POLR2D: variants seen among roughly 807,000 people sequenced by gnomAD.
POLR2D encodes the protein DNA-directed RNA polymerase II subunit RPB4.
In POLR2D, 10 loss-of-function variants were observed where a neutral mutation model predicts 17.6. That is an observed-to-expected ratio of 0.57 (90% CI 0.35 to 0.96). The LOEUF (loss-of-function observed/expected upper bound fraction) is 0.96, where lower values mean the gene tolerates loss of function less well. Ranked by LOEUF, POLR2D falls within the 40% of genes least tolerant of loss-of-function variation. The pLI is 0.02. For missense variants in POLR2D, 126 were observed against 176.4 expected (o/e 0.71, Z 1.62); for synonymous variants, 52 against 60.2 (o/e 0.86, Z 0.63).
rs201728514 is a variant in POLR2D at position 127,856,597 on chromosome 2, T to TA, written c.73+1430dup. 1.2e-3 allele frequency among the ~76,000 whole-genome samples: 172 copies of TA among 145,746 alleles called. 1 individual carries two copies. Among genetic ancestry groups the TA allele is most frequent in the African/African-American group, 1.6e-3 (65 of 39,552 alleles). ...GTGAAACCCTATCTCAAAATAAAATTAAAAAAAAAATTAAAAAAAATAAAT... is the reference window on the plus strand; with the variant it reads ...GTGAAACCCTATCTCAAAATAAAATTAAAAAAAAAAATTAAAAAAAATAAAT... On this transcript the variant is annotated intron_variant, in intron 1 of 3. Coordinates refer to ENST00000272645, the MANE Select transcript of POLR2D (RefSeq NM_004805.4).
At position 127,853,079 on chromosome 2, in the gene POLR2D, T is replaced by G. The variant is rs774134170; in HGVS notation, c.100A>C (p.Asn34His). ...KEFETAETLL[N>H]SEVHMLLEHR... is the part of the protein sequence containing the mutation. The stretch of plus-strand genomic sequence containing the variant: ...TCCAGAAGCATATGAACTTCTGAAT[T>G]TAGAAGTGTCTCAGCTGTTTCAAAC... The change falls in exon 2 of 4, where the codon AAT (asparagine) becomes CAT (histidine). Residue 34 changes from asparagine (N) to histidine (H), a missense_variant. Around this residue, in one of 2 missense-constraint regions of POLR2D, gnomAD observed 85 missense variants for 151.4 expected, o/e 0.56. Transcript: ENST00000272645. 1 of 1,613,682 alleles carries G rather than the reference T, an allele frequency of 6.2e-7. No homozygotes were observed. Among genetic ancestry groups the G allele is most frequent in the Non-Finnish European group, 8.5e-7 (1 of 1,179,756 alleles).
chr2:127,848,479 C>T (rs1690190241), intron 3 of POLR2D, among the ~76,000 whole-genome samples: 3 of 151,312 alleles, frequency 2.0e-5, no homozygotes, highest in South Asian at 2.1e-4. Flanking sequence ...GGCATGATCT[C>T]GGCTCACCAA....
rs779005799 is a variant in POLR2D at position 127,848,062 on chromosome 2, A to G, written c.*45T>C. 4.8e-6 allele frequency: 6 copies of G among 1,247,318 alleles called. No homozygotes were observed. The East Asian group carries it at 1.4e-4, about 29-fold the overall frequency. 77.3% of individuals were successfully genotyped at this position (1,247,318 alleles called of 1,614,324 possible). A position where few individuals can be genotyped will look rare whatever the true frequency, so the allele number is the denominator to read the frequency against. ...CCCCAGACAGTGGGAAGGTGGTGTT[A>G]TGCCTGGGGATGTGGTTTCTCCGAG... On this transcript the variant is annotated 3_prime_UTR_variant, in exon 4 of 4. Coordinates refer to ENST00000272645, the MANE Select transcript of POLR2D (RefSeq NM_004805.4).
At chr2:127,851,431 C>G (rs1338118823) in intron 2 of POLR2D, among the ~76,000 whole-genome samples, 1 of 149,406 alleles carries the variant, frequency 6.7e-6, no homozygotes, top group Admixed American at 6.6e-5. Context: ...CAAAACGAAA[C>G]AAAACAAAAA....
chr2:127,855,394 C>CAAAAA (rs747725989), intron 1 of POLR2D, among the ~76,000 whole-genome samples: 8 of 51,238 alleles, frequency 1.6e-4, no homozygotes, highest in African/African-American at 1.9e-4. Context: ...AACTCCGTCT[C>CAAAAA]AAAAAAAAAA....
At chr2:127,854,757 G>A (rs951254245) in intron 1 of POLR2D, among the ~76,000 whole-genome samples, 2 of 152,156 alleles carry the variant, frequency 1.3e-5, no homozygotes, top group Admixed American at 6.5e-5. Flanking sequence ...CCTGAGGGCA[G>A]GAGAGTTTAA....
rs563127382 is a variant in POLR2D at position 127,852,126 on chromosome 2, A to G, written c.254+799T>C. On this transcript the variant is annotated intron_variant, in intron 2 of 3. Transcript: ENST00000272645. This position sits in a 1 kb window ranked among gnomAD's most constrained non-coding sequence, Gnocchi z 4.0. ...TTGGGGGGCTAAGGTTGGAGGATCA[A>G]TTGAGGCCAGGAGTTTGAGACCAGC... is the stretch of plus-strand genomic sequence containing the variant. Among the ~76,000 whole-genome samples, 6 of 152,264 alleles carry G rather than the reference A, an allele frequency of 3.9e-5. No individual in the cohort carries two copies. In the East Asian group the frequency reaches 7.7e-4, roughly 20 times the overall value.
rs61249327 is a variant in POLR2D, at chr2:127,856,290, CAAAA to C, written c.73+1734_73+1737del. ...TAGGTAGCAGAATGAGATCCCGTCT[CAAAA>C]AAAAAAAAAAAAAAAGGCAGGGTGA... is the stretch of plus-strand genomic sequence containing the variant. On this transcript the variant is annotated intron_variant, in intron 1 of 3. Transcript: ENST00000272645. 1.2e-4 allele frequency among the ~76,000 whole-genome samples: 3 copies of C among 25,416 alleles called. 1 individual carries two copies. Among genetic ancestry groups the C allele is most frequent in the Non-Finnish European group, 2.1e-4 (3 of 14,304 alleles). 16.7% of individuals were successfully genotyped at this position (25,416 alleles called of 152,430 possible).
chr2:127,849,115 G>T (rs531391095), intron 3 of POLR2D, among the ~76,000 whole-genome samples: 2 of 151,986 alleles, frequency 1.3e-5, no homozygotes, highest in East Asian at 3.9e-4. Context: ...CGCAATCTCG[G>T]CTCACTGCAA....
chr2:127,858,084 C>T lies in POLR2D; in HGVS notation c.17G>A (p.Ser6Asn). 2 of 1,524,696 alleles carry T rather than the reference C, an allele frequency of 1.3e-6. No homozygotes were observed. Among genetic ancestry groups the T allele is most frequent in the Non-Finnish European group, 8.8e-7 (1 of 1,138,216 alleles). The allele number at this position is 1,524,696 out of a possible 1,614,324, so 94.4% of individuals were successfully genotyped here. The change falls in exon 1 of 4, where the codon AGC becomes AAC. Residue 6 changes from serine to asparagine, a missense_variant. Around this residue, in one of 2 missense-constraint regions of POLR2D, gnomAD observed 41 missense variants for 24.9 expected, o/e 1.64. Transcript: ENST00000272645. ...CTCTACGTCGCCAGCCCGCGGATCG[C>T]TGCCACCCGCCGCCATCGCCGCGCC... is the stretch of plus-strand genomic sequence containing the variant. MAAGG[S>N]DPRAGDVEED... is the part of the protein sequence containing the mutation.
chr2:127,850,711 CA>C, intron 2 of POLR2D, 26 bp from the exon 3 acceptor site: 1 of 1,092,698 alleles, frequency 9.2e-7, no homozygotes. Context: ...AAAAAAAAAT[CA>C]AAATAATCAA....
chr2:127,854,094 G>A (rs906084439), intron 1 of POLR2D, among the ~76,000 whole-genome samples: 4 of 152,120 alleles, frequency 2.6e-5, no homozygotes, highest in African/African-American at 7.2e-5. Context: ...CCAAGTGTCT[G>A]GAAATAAATA....
chr2:127,857,724 C>G (rs1690361786), intron 1 of POLR2D: 1 of 932,418 alleles, frequency 1.1e-6, no homozygotes, highest in South Asian at 4.6e-5. Context: ...GGCTCTTTTC[C>G]CTAGTGCAAC....
chr2:127,854,112 C>T (rs1361971413), intron 1 of POLR2D, among the ~76,000 whole-genome samples: 1 of 152,114 alleles, frequency 6.6e-6, no homozygotes, highest in Non-Finnish European at 1.5e-5. Flanking sequence ...ATATAATGTA[C>T]CCCAAAATCT....
In POLR2D at chr2:127,858,074, C is replaced by G; in HGVS notation, c.27G>C (p.Arg9=). The G allele has an allele frequency of 1.3e-6, 2 of 1,542,884 alleles. No individual in the cohort carries two copies. Among genetic ancestry groups the G allele is most frequent in the Non-Finnish European group, 1.7e-6 (2 of 1,148,054 alleles). MAAGGSDP[R]AGDVEEDASQ... The stretch of plus-strand genomic sequence containing the variant: ...AGGCGTCCTCCTCTACGTCGCCAGC[C>G]CGCGGATCGCTGCCACCCGCCGCCA... Residue 9 remains arginine (R), a synonymous_variant, in exon 1 of 4, where the codon CGG becomes CGC. Coordinates refer to ENST00000272645, the MANE Select transcript of POLR2D (RefSeq NM_004805.4).
intron 3 of POLR2D, among the ~76,000 whole-genome samples, chr2:127,849,648 A>ATT (rs139341086): frequency 6.4e-4 from 96 of 150,414 alleles, no homozygotes; most frequent in African/African-American, 1.9e-3. Context: ...TAGTTCATTG[A>ATT]TTTTTTTTTT....
Position 127,850,510 on chromosome 2 carries a change from G to A in POLR2D, c.350+80C>T, listed in dbSNP as rs532629300. The A allele has an allele frequency of 2.7e-4, 129 of 480,948 alleles. 4 individuals carry two copies. The highest frequency in any genetic ancestry group is 2.5e-3 in the South Asian group (101 of 40,830). The allele number at this position is 480,948 out of a possible 1,614,324, so 29.8% of individuals were successfully genotyped here. ...GCAATTATGTACCCAAATATATAAC[G>A]CATACACATTTTAGACACACCAATT... is the stretch of plus-strand genomic sequence containing the variant. On this transcript the variant is annotated intron_variant, in intron 3 of 3. Transcript: ENST00000272645.
In POLR2D at chr2:127,850,692, A is replaced by C; in HGVS notation, c.255-7T>G. ...CTTTTTCTGGAGTAGCAAGCTAATC[A>C]AAAGGAAAAAAAAAAAATCAAAATA... is the stretch of plus-strand genomic sequence containing the variant. On this transcript the variant is annotated splice_polypyrimidine_tract_variant and splice_region_variant and intron_variant, in intron 2 of 3. Coordinates refer to ENST00000272645, the MANE Select transcript of POLR2D (RefSeq NM_004805.4). 1 of 1,299,992 alleles carries C rather than the reference A, an allele frequency of 7.7e-7. No homozygotes were observed. The highest frequency in any genetic ancestry group is 1.1e-6 in the Non-Finnish European group (1 of 944,724). 80.5% of individuals were successfully genotyped at this position (1,299,992 alleles called of 1,614,324 possible).
chr2:127,848,966 T>A (rs1690201708), intron 3 of POLR2D, among the ~76,000 whole-genome samples: 1 of 151,992 alleles, frequency 6.6e-6, no homozygotes. Context: ...GGCCCTGCAT[T>A]TTTTCATTTA....
Sources: allele counts gnomAD v4.1 joint callset (sites outside exome capture counted in the v4.1 genomes callset), GRCh38; gene constraint gnomAD v4.1.1; regional missense constraint gnomAD v4.1.1; non-coding constraint Gnocchi (gnomAD v3.1); transcripts MANE v1.5; gene names NCBI Gene and HGNC (gene_info 2026-07-23, HGNC 2026-07-21).